The following ZDHHC14 variants were observed in gnomAD, a reference collection of about 807,000 sequenced individuals.
The protein encoded by ZDHHC14 is zDHHC palmitoyltransferase 14.
A neutral mutation model predicts 47.7 loss-of-function variants in ZDHHC14; 16 were observed. The ratio of observed to expected loss-of-function variants is 0.34; its 90% confidence interval spans 0.23 to 0.51. The LOEUF is 0.51. Ranked by LOEUF, ZDHHC14 falls within the 20% of genes least tolerant of loss-of-function variation. ZDHHC14 has a pLI of 0.97. For synonymous variants in ZDHHC14, 293 were observed against 278.9 expected, an observed-to-expected ratio of 1.05 and a Z score of -0.50; for missense variants, 515 against 662.5, an observed-to-expected ratio of 0.78 and a Z score of 2.44.
intron 1 of ZDHHC14, among the ~76,000 whole-genome samples, chr6:157,415,004 T>G (rs1234030662): frequency 3.3e-5 from 5 of 152,088 alleles, no homozygotes; most frequent in Non-Finnish European, 7.4e-5. Flanking sequence ...GTCACTCTTA[T>G]GAGGATTCAA....
intron 1 of ZDHHC14, among the ~76,000 whole-genome samples, chr6:157,467,390 A>G (rs976703459): frequency 1.3e-5 from 2 of 152,058 alleles, no homozygotes; most frequent in East Asian, 1.9e-4. Flanking sequence ...AGATTTGTCT[A>G]TTCTGGACGT....
chr6:157,516,980 G>A (rs1780715673), intron 1 of ZDHHC14, among the ~76,000 whole-genome samples: 1 of 152,190 alleles, frequency 6.6e-6, no homozygotes. Flanking sequence ...TAGCAACATG[G>A]CAAGAGGGAG....
At chr6:157,509,575 T>C (rs1218947161) in intron 1 of ZDHHC14, among the ~76,000 whole-genome samples, 1 of 152,132 alleles carries the variant, frequency 6.6e-6, no homozygotes, top group East Asian at 1.9e-4. Context: ...AGATACTCCC[T>C]CTCTGTTACT....
intron 2 of ZDHHC14, among the ~76,000 whole-genome samples, chr6:157,561,876 A>C (rs1297238962): frequency 6.6e-6 from 1 of 152,106 alleles, no homozygotes; most frequent in Admixed American, 6.6e-5. Context: ...TGGCCTCCCA[A>C]AGTGCTGGGA....
At chr6:157,446,334 A>G (rs1778667603) in intron 1 of ZDHHC14, among the ~76,000 whole-genome samples, 1 of 151,986 alleles carries the variant, frequency 6.6e-6, no homozygotes, top group Admixed American at 6.6e-5. Context: ...AACCTAGCTC[A>G]ATTTCCTCAT....
intron 1 of ZDHHC14, among the ~76,000 whole-genome samples, chr6:157,383,085 GA>G (rs1477393232): frequency 1.3e-5 from 2 of 152,182 alleles, no homozygotes; most frequent in African/African-American, 4.8e-5. Flanking sequence ...CCGTTTTCAG[GA>G]AAATCAAATT....
chr6:157,641,916 C>T (rs1020132533), intron 5 of ZDHHC14, among the ~76,000 whole-genome samples: 6 of 152,146 alleles, frequency 3.9e-5, no homozygotes, highest in African/African-American at 1.4e-4. Context: ...ACTCCACTTA[C>T]TATTTCATTA....
chr6:157,620,242 T>A (rs1347102273), intron 3 of ZDHHC14, among the ~76,000 whole-genome samples: 1 of 152,136 alleles, frequency 6.6e-6, no homozygotes, highest in Non-Finnish European at 1.5e-5. Context: ...AGTCTCAAGG[T>A]GGCCCAACGC....
chr6:157,604,616 C>T (rs955011142), intron 3 of ZDHHC14, among the ~76,000 whole-genome samples: 11 of 135,680 alleles, frequency 8.1e-5, no homozygotes, highest in South Asian at 7.5e-4. Context: ...GGCACGATCT[C>T]GGCTGCAACC....
At chr6:157,540,910 G>GTGTGTGTGTGTATATATATATA (rs1284429244) in intron 1 of ZDHHC14, among the ~76,000 whole-genome samples, 4 of 122,976 alleles carry the variant, frequency 3.3e-5, no homozygotes, top group African/African-American at 1.7e-4. Flanking sequence ...GTGTGTGTGT[G>GTGTGTGTGTGTATATATATATA]TATATATATA....
chr6:157,467,930 C>T (rs1040704299), intron 1 of ZDHHC14, among the ~76,000 whole-genome samples: 1 of 152,258 alleles, frequency 6.6e-6, no homozygotes, highest in Non-Finnish European at 1.5e-5. Context: ...GTTGGTTCCA[C>T]TTTGGGGTTC....
At chr6:157,650,472 G>A (rs1207124501) in intron 7 of ZDHHC14, among the ~76,000 whole-genome samples, 4 of 152,020 alleles carry the variant, frequency 2.6e-5, no homozygotes, top group African/African-American at 9.7e-5. Flanking sequence ...CCAGAGCTTC[G>A]CAGCACTGGG....
At chr6:157,421,805 A>G (rs1473422470) in intron 1 of ZDHHC14, among the ~76,000 whole-genome samples, 1 of 151,984 alleles carries the variant, frequency 6.6e-6, no homozygotes, top group Non-Finnish European at 1.5e-5. Flanking sequence ...ACGGGGTTTC[A>G]CCATGTTGGT....
chr6:157,620,608 T>G (rs1785149977), intron 3 of ZDHHC14, among the ~76,000 whole-genome samples: 1 of 152,240 alleles, frequency 6.6e-6, no homozygotes, highest in African/African-American at 2.4e-5. Flanking sequence ...TCTCCACACA[T>G]GGGCAGGTTC....
chr6:157,549,398 C>T (rs367779440), intron 2 of ZDHHC14, among the ~76,000 whole-genome samples: 1 of 152,176 alleles, frequency 6.6e-6, no homozygotes, highest in Non-Finnish European at 1.5e-5. Flanking sequence ...TCTAGTGGGA[C>T]GCTCACTGAT....
intron 1 of ZDHHC14, among the ~76,000 whole-genome samples, chr6:157,480,638 G>A (rs1054641494): frequency 6.6e-6 from 1 of 152,158 alleles, no homozygotes; most frequent in Admixed American, 6.5e-5. Flanking sequence ...CCCAGTAGAC[G>A]GCTCCCACTT....
At chr6:157,644,716 C>T (rs1258926158) in intron 5 of ZDHHC14, among the ~76,000 whole-genome samples, 1 of 152,170 alleles carries the variant, frequency 6.6e-6, no homozygotes, top group Non-Finnish European at 1.5e-5. Flanking sequence ...CATTCATCCT[C>T]GGAAACATTA....
chr6:157,452,302 C>G (rs1274286649), intron 1 of ZDHHC14, among the ~76,000 whole-genome samples: 2 of 151,648 alleles, frequency 1.3e-5, no homozygotes, highest in African/African-American at 4.9e-5. Flanking sequence ...GTCCATGTAC[C>G]ACTTAAATCA....
chr6:157,483,450 G>T (rs1319958516), intron 1 of ZDHHC14, among the ~76,000 whole-genome samples: 2 of 152,142 alleles, frequency 1.3e-5, no homozygotes, highest in Non-Finnish European at 1.5e-5. Flanking sequence ...CTTTAAAATG[G>T]GATGAAATAT....
Sources: gnomAD v4.1 joint callset for allele counts (sites outside exome capture counted in the v4.1 genomes callset) on GRCh38, gnomAD v4.1.1 for gene constraint, MANE v1.5 for transcripts, NCBI Gene and HGNC (gene_info 2026-07-23, HGNC 2026-07-21) for gene names.